Variants in FUT8 observed in about 807,000 individuals in gnomAD.
FUT8 encodes the protein fucosyltransferase 8.
FUT8 carries 29 observed loss-of-function variants against 71.3 expected under a neutral mutation model. The observed-to-expected ratio is 0.41, with a 90% CI of 0.30 to 0.55. The LOEUF (loss-of-function observed/expected upper bound fraction) is 0.55. FUT8 is among the 20% of genes least tolerant of loss of function. The pLI is 0.34. For missense variants in FUT8, 544 were observed against 702.1 expected (o/e 0.77, Z 2.55); for synonymous variants, 254 against 239.3 (o/e 1.06, Z -0.57).
chr14:65,364,526 C>T, the FUT8 span, among the ~76,000 whole-genome samples: 9 of 152,102 alleles, frequency 5.9e-5, no homozygotes, highest in Non-Finnish European at 1.3e-4. Flanking sequence ...TAAAGAGCTC[C>T]TGCTAGTGCA....
chr14:65,586,184 A>G (rs924633648), intron 3 of FUT8, among the ~76,000 whole-genome samples: 3 of 152,220 alleles, frequency 2.0e-5, no homozygotes, highest in African/African-American at 7.2e-5. Context: ...AGGTTAAATG[A>G]TAAAACCGAT....
chr14:65,738,598 C>T (rs961539266), intron 10 of FUT8, among the ~76,000 whole-genome samples: 3 of 152,232 alleles, frequency 2.0e-5, no homozygotes, highest in Non-Finnish European at 2.9e-5. Context: ...TGCTCTCAGT[C>T]ATGCCACCTG....
intron 1 of FUT8, among the ~76,000 whole-genome samples, chr14:65,424,923 CA>C (rs2139402744): frequency 6.6e-6 from 1 of 152,194 alleles, no homozygotes; most frequent in East Asian, 1.9e-4. Flanking sequence ...CTTGACCTCC[CA>C]AAGTGCTGGG....
At chr14:65,666,977 G>A (rs1892246451) in intron 6 of FUT8, among the ~76,000 whole-genome samples, 1 of 152,090 alleles carries the variant, frequency 6.6e-6, no homozygotes, top group Admixed American at 6.6e-5. Context: ...CTCTCTTCAT[G>A]TTAAAAATCC....
intron 2 of FUT8, among the ~76,000 whole-genome samples, chr14:65,519,191 C>A (rs1227993780): frequency 6.6e-6 from 1 of 152,060 alleles, no homozygotes; most frequent in Non-Finnish European, 1.5e-5. Context: ...CGTGTCCCAT[C>A]GTATTAGGGA....
chr14:65,423,542 G>A (rs2065334690), intron 1 of FUT8, among the ~76,000 whole-genome samples: 2 of 149,182 alleles, frequency 1.3e-5, no homozygotes, highest in South Asian at 2.1e-4. Flanking sequence ...GATTACAGGC[G>A]TGAGCCACCG....
chr14:65,509,795 TAGTC>T (rs1372498169), intron 2 of FUT8, among the ~76,000 whole-genome samples: 3 of 152,166 alleles, frequency 2.0e-5, no homozygotes, highest in Admixed American at 6.5e-5. Context: ...TTTACTGAAT[TAGTC>T]AGTTCTTAAT....
intron 3 of FUT8, among the ~76,000 whole-genome samples, chr14:65,587,914 G>A (rs546095554): frequency 3.5e-4 from 53 of 152,236 alleles, no homozygotes; most frequent in African/African-American, 1.0e-3. Flanking sequence ...TTTCCAAGTT[G>A]ACAGCCCACT....
rs1883286308 is a variant in FUT8, at chr14:65,524,199, C to T, written c.-227-37138C>T. Among the ~76,000 whole-genome samples the T allele has an allele frequency of 3.3e-5, 5 of 152,318 alleles. No homozygotes were observed. In the South Asian group the frequency reaches 1.0e-3, roughly 32 times the overall value. ...TTTTCACGATATTGATTCTTCCTATCCGTGAGCATGGAATGTTCTTCCATT... is the reference window on the plus strand; with the variant it reads ...TTTTCACGATATTGATTCTTCCTATTCGTGAGCATGGAATGTTCTTCCATT... On this transcript the variant is annotated intron_variant, in intron 2 of 10. Coordinates refer to ENST00000673929, the MANE Select transcript of FUT8 (RefSeq NM_001371533.1).
At chr14:65,426,382 G>T (rs1009412901) in intron 1 of FUT8, among the ~76,000 whole-genome samples, 1 of 151,290 alleles carries the variant, frequency 6.6e-6, no homozygotes, top group Non-Finnish European at 1.5e-5. Context: ...AGATTATCAG[G>T]AGAAAAGCAC....
chr14:65,447,503 GATTAA>G (rs2065760966), intron 1 of FUT8, among the ~76,000 whole-genome samples: 3 of 152,078 alleles, frequency 2.0e-5, no homozygotes, highest in African/African-American at 4.8e-5. Flanking sequence ...TTTGACAAAA[GATTAA>G]ATTAAAAGAT....
intron 2 of FUT8, among the ~76,000 whole-genome samples, chr14:65,460,962 A>G (rs1288631376): frequency 2.0e-5 from 3 of 152,238 alleles, no homozygotes; most frequent in Admixed American, 2.0e-4. Flanking sequence ...TAATTAAGAC[A>G]GTGGACTGGT....
At chr14:65,479,571 TC>T (rs1381000821) in intron 2 of FUT8, 5 of 152,172 alleles carry the variant, frequency 3.3e-5, no homozygotes, top group Admixed American at 6.6e-5. Flanking sequence ...CTTTCCTTTC[TC>T]CTTCTCCTAC....
At chr14:65,633,144 G>A (rs905578036) in intron 6 of FUT8, among the ~76,000 whole-genome samples, 3 of 151,622 alleles carry the variant, frequency 2.0e-5, no homozygotes, top group South Asian at 4.2e-4. Flanking sequence ...TCAGCCTGCC[G>A]AGTGCCTGCG....
At chr14:65,365,330 T>C in the FUT8 span, among the ~76,000 whole-genome samples, 2 of 75,170 alleles carry the variant, frequency 2.7e-5, no homozygotes, top group African/African-American at 6.1e-5. Context: ...AAATTCTTCC[T>C]CTCTCTCTCT....
chr14:65,452,077 GT>G (rs1383460413), intron 1 of FUT8, among the ~76,000 whole-genome samples: 6 of 152,186 alleles, frequency 3.9e-5, no homozygotes, highest in African/African-American at 1.4e-4. Context: ...AATATCTTTA[GT>G]TTCTCCTATG....
At position 65,726,004 on chromosome 14, in the gene FUT8, G is replaced by A. The variant is rs568396165; in HGVS notation, c.1259+1681G>A. On this transcript the variant is annotated intron_variant, in intron 9 of 10. Transcript: ENST00000673929. ...TATGCACACACTACCATATACATGC[G>A]CGCATGCGTGCACACACACACACAC... Among the ~76,000 whole-genome samples the A allele has an allele frequency of 1.7e-4, 26 of 152,016 alleles. 1 individual carries two copies. The highest frequency in any genetic ancestry group is 1.6e-3 in the Admixed American group (24 of 15,282).
At chr14:65,696,903 T>C (rs1220116901) in intron 7 of FUT8, among the ~76,000 whole-genome samples, 1 of 152,196 alleles carries the variant, frequency 6.6e-6, no homozygotes, top group Admixed American at 6.5e-5. Context: ...AAAAAATTTT[T>C]TTTCCTTGGA....
chr14:65,654,326 C>T (rs1186707087), intron 6 of FUT8, among the ~76,000 whole-genome samples: 2 of 152,140 alleles, frequency 1.3e-5, no homozygotes, highest in African/African-American at 4.8e-5. Context: ...CGGTGGAGCA[C>T]GCCTGTAATC....
Sources: allele counts gnomAD v4.1 joint callset (sites outside exome capture counted in the v4.1 genomes callset), GRCh38; gene constraint gnomAD v4.1.1; transcripts MANE v1.5; gene names NCBI Gene and HGNC (gene_info 2026-07-23, HGNC 2026-07-21).